The following TRIM9 variants were observed in gnomAD, a reference collection of about 807,000 sequenced individuals.
TRIM9 encodes E3 ubiquitin-protein ligase TRIM9.
TRIM9 carries 26 observed loss-of-function variants against 78.3 expected under a neutral mutation model. The observed-to-expected ratio is 0.33, with a 90% CI of 0.24 to 0.46. TRIM9 has a LOEUF of 0.46. Among genes scored for constraint, TRIM9 ranks in the 20% least tolerant of loss-of-function variants. The probability of loss-of-function intolerance (pLI) is 1.00; values close to 1 mark genes in which losing one functional copy is unlikely to be tolerated. For synonymous variants in TRIM9, 398 were observed against 416.5 expected (o/e 0.96, Z 0.54); for missense variants, 787 against 1,036.4 (o/e 0.76, Z 3.30).
chr14:51,010,431 A>G lies in TRIM9; in HGVS notation c.1105T>C (p.Tyr369His). The G allele has an allele frequency of 6.2e-7, 1 of 1,613,894 alleles. No individual in the cohort carries two copies. The highest frequency in any genetic ancestry group is 8.5e-7 in the Non-Finnish European group (1 of 1,179,956). Reference sequence around the variant, plus strand: ...TTTTCCTTAATCACCTCCAAGCAGTACTCCATGAGACCTGTGGTCTGGCGC... The same window carrying G: ...TTTTCCTTAATCACCTCCAAGCAGTGCTCCATGAGACCTGTGGTCTGGCGC... ...KLRQTTGLMEYCLEVIKENDP... is the reference protein window; with the variant it reads ...KLRQTTGLMEHCLEVIKENDP... The change falls in exon 4 of 13, where the codon TAC (tyrosine) becomes CAC (histidine). Residue 369 changes from tyrosine to histidine, a missense_variant. Tyr to His is a moderately conservative substitution (Grantham distance 83, BLOSUM62 2). This residue lies in a region of TRIM9 where 14 missense variants were observed against 49.8 expected (regional missense o/e 0.28). Coordinates refer to ENST00000684578, the MANE Select transcript of TRIM9 (RefSeq NM_001387360.1).
chr14:50,985,709 A>C (rs2052614493), intron 8 of TRIM9, among the ~76,000 whole-genome samples: 1 of 152,102 alleles, frequency 6.6e-6, no homozygotes, highest in Non-Finnish European at 1.5e-5. Flanking sequence ...GAAAAGAATA[A>C]CTTCACTCAT....
intron 1 of TRIM9, among the ~76,000 whole-genome samples, chr14:51,047,744 C>T (rs1178513864): frequency 6.6e-5 from 10 of 152,134 alleles, no homozygotes; most frequent in Admixed American, 6.5e-4. Flanking sequence ...CAACCCAATG[C>T]TATGGGCAAT....
At chr14:51,079,416 A>G (rs2063103555) in intron 1 of TRIM9, among the ~76,000 whole-genome samples, 2 of 152,148 alleles carry the variant, frequency 1.3e-5, no homozygotes, top group Admixed American at 1.3e-4. Flanking sequence ...TCTACTAAGT[A>G]TTTGTCCTAT....
chr14:51,044,712 G>A (rs1454627098), intron 1 of TRIM9, among the ~76,000 whole-genome samples: 1 of 152,192 alleles, frequency 6.6e-6, no homozygotes, highest in Non-Finnish European at 1.5e-5. Context: ...TATTATGTGA[G>A]TGAAGAATAA....
At chr14:51,064,948 C>G (rs909036776) in intron 1 of TRIM9, among the ~76,000 whole-genome samples, 10 of 152,086 alleles carry the variant, frequency 6.6e-5, no homozygotes, top group African/African-American at 2.2e-4. Context: ...GATGATTTTA[C>G]TGGTGAACTC....
chr14:51,052,022 G>A (rs1774437827), intron 1 of TRIM9, among the ~76,000 whole-genome samples: 2 of 142,936 alleles, frequency 1.4e-5, no homozygotes, highest in African/African-American at 5.3e-5. Context: ...GAGGAAGGGA[G>A]GGGAGGGGAG....
At chr14:51,067,206 G>C (rs1248233352) in intron 1 of TRIM9, among the ~76,000 whole-genome samples, 1 of 152,042 alleles carries the variant, frequency 6.6e-6, no homozygotes, top group Non-Finnish European at 1.5e-5. Flanking sequence ...TTAATACATA[G>C]TGCCATTATT....
chr14:50,993,074 CTCATTTGGTAGTAACTT>C (rs112919592), intron 7 of TRIM9, among the ~76,000 whole-genome samples: 28 of 152,270 alleles, frequency 1.8e-4, no homozygotes, highest in African/African-American at 6.0e-4. Context: ...AGTGCCAGAC[CTCATTTGGTAGTAACTT>C]TCATTTGGTA....
At chr14:50,997,452 C>T (rs1458781000) in intron 7 of TRIM9, 3 of 985,472 alleles carry the variant, frequency 3.0e-6, no homozygotes, top group Admixed American at 6.1e-5. Flanking sequence ...TTGGTGCCCA[C>T]AGGAAGTCTC....
chr14:51,092,540 C>T (rs2064458535), intron 1 of TRIM9, among the ~76,000 whole-genome samples: 1 of 152,198 alleles, frequency 6.6e-6, no homozygotes. Context: ...TGGACACTAT[C>T]TTCACTGCTC....
At chr14:51,000,522 G>A (rs938606810) in intron 6 of TRIM9, among the ~76,000 whole-genome samples, 161 bp downstream of exon 6, 3 of 152,208 alleles carry the variant, frequency 2.0e-5, no homozygotes, top group East Asian at 1.9e-4. Context: ...CCACCTTCAC[G>A]GTAGAGGGAG....
intron 10 of TRIM9, chr14:50,982,545 T>A: frequency 3.3e-6 from 1 of 306,016 alleles, no homozygotes; most frequent in Non-Finnish European, 6.2e-6. Flanking sequence ...TCAGGAAATA[T>A]CCCTTCGGCA....
At position 51,094,236 on chromosome 14, in the gene TRIM9, T is replaced by G; in HGVS notation, c.704A>C (p.Glu235Ala). The G allele has an allele frequency of 6.2e-7, 1 of 1,614,254 alleles. No homozygotes were observed. The highest frequency in any genetic ancestry group is 8.5e-7 in the Non-Finnish European group (1 of 1,180,046). ...KVSTCTDHEL[E>A]NHSMYCVQCK... Reference sequence around the variant, plus strand: ...TTGCACGCAGTACATGCTGTGGTTCTCCAGCTCGTGGTCTGTGCAGGTGGA... The same window carrying G: ...TTGCACGCAGTACATGCTGTGGTTCGCCAGCTCGTGGTCTGTGCAGGTGGA... Residue 235 changes from glutamate to alanine, a missense_variant, in exon 1 of 13, where the codon GAG becomes GCG. Physicochemically the swap from Glu to Ala is moderately radical, Grantham distance 107 (BLOSUM62 -1). Transcript: ENST00000684578.
At chr14:50,989,591 G>A (rs766671210) in intron 7 of TRIM9, among the ~76,000 whole-genome samples, 8 of 152,114 alleles carry the variant, frequency 5.3e-5, no homozygotes, top group Non-Finnish European at 1.2e-4. Context: ...CTGAAGAGAC[G>A]TTTAACATCA....
intron 3 of TRIM9, among the ~76,000 whole-genome samples, chr14:51,019,005 T>A (rs950268689): frequency 3.3e-5 from 5 of 152,348 alleles, no homozygotes; most frequent in African/African-American, 1.2e-4. Flanking sequence ...TTTTCAGATA[T>A]GTCTTTGGGC....
At chr14:51,002,693 GA>G (rs1188846099) in intron 5 of TRIM9, among the ~76,000 whole-genome samples, 1 of 152,140 alleles carries the variant, frequency 6.6e-6, no homozygotes, top group Non-Finnish European at 1.5e-5. Flanking sequence ...CAGCAGTTTA[GA>G]AAACAGGTTC....
rs114832478 is a variant in TRIM9, at chr14:51,000,914, C to T, written c.1307-74G>A. 1.4e-3 allele frequency: 2,240 copies of T among 1,569,940 alleles called. 26 individuals are homozygous for T. In the African/African-American group the frequency reaches 0.026, roughly 18 times the overall value. ...CCAGTATCTTAGAATGACAAGCATC[C>T]CCCTGATAAACACGTGGTTAGAAGT... is the stretch of plus-strand genomic sequence containing the variant. On this transcript the variant is annotated intron_variant, in intron 5 of 12. Transcript: ENST00000684578.
chr14:51,027,751 C>T (rs543147041), intron 1 of TRIM9, among the ~76,000 whole-genome samples: 9 of 152,160 alleles, frequency 5.9e-5, no homozygotes, highest in South Asian at 4.1e-4. Context: ...GAGGGAAAAA[C>T]GGTCTCATTT....
At chr14:51,082,885 A>G (rs1342978495) in intron 1 of TRIM9, among the ~76,000 whole-genome samples, 1 of 152,170 alleles carries the variant, frequency 6.6e-6, no homozygotes, top group Non-Finnish European at 1.5e-5. Flanking sequence ...AATGGCAGGT[A>G]TAGTGGTTAA....
Sources: gnomAD v4.1 joint callset for allele counts (sites outside exome capture counted in the v4.1 genomes callset) on GRCh38, gnomAD v4.1.1 for gene constraint, gnomAD v4.1.1 regional missense constraint, MANE v1.5 for transcripts, NCBI Gene and HGNC (gene_info 2026-07-23, HGNC 2026-07-21) for gene names.